The following INTS14 variants were observed in gnomAD, a reference collection of about 807,000 sequenced individuals.
The protein encoded by INTS14 is integrator complex subunit 14, also known as UPF0464 protein C15orf44.
In INTS14, 27 loss-of-function variants were observed where a neutral mutation model predicts 56.9. The observed-to-expected ratio is 0.47, with a 90% CI of 0.35 to 0.65. INTS14 has a LOEUF of 0.65. INTS14 is among the 30% of genes least tolerant of loss of function. INTS14 has a pLI of 0.00. For missense variants in INTS14, 517 were observed against 632.2 expected (o/e 0.82, Z 1.95); for synonymous variants, 207 against 236.2 (o/e 0.88, Z 1.13).
rs1473763524 is a variant in INTS14 at position 65,598,311 on chromosome 15, A to T, written c.748+10T>A. ...GAGAAACTAAGAAATAAGTTTTTTT[A>T]AAAAGTTACCTGTGTTAATGACTTT... On this transcript the variant is annotated intron_variant, in intron 6 of 11. Transcript: ENST00000313182. 6.2e-7 allele frequency: 1 copy of T among 1,606,870 alleles called. No individual in the cohort carries two copies. Among genetic ancestry groups the T allele is most frequent in the Non-Finnish European group, 8.5e-7 (1 of 1,177,558 alleles).
At chr15:65,592,211 T>G (rs1033083974) in intron 8 of INTS14, among the ~76,000 whole-genome samples, 1 of 152,194 alleles carries the variant, frequency 6.6e-6, no homozygotes, top group Non-Finnish European at 1.5e-5. Context: ...CCAGTACAAG[T>G]AGCTTGGGTG....
At chr15:65,585,267 A>G in intron 9 of INTS14, among the ~76,000 whole-genome samples, 1 of 152,146 alleles carries the variant, frequency 6.6e-6, no homozygotes, top group Non-Finnish European at 1.5e-5. Flanking sequence ...AACTTTCTGT[A>G]TGATGGAAAT....
At chr15:65,580,636 G>A (rs572913135) in intron 11 of INTS14, among the ~76,000 whole-genome samples, 1 of 152,330 alleles carries the variant, frequency 6.6e-6, no homozygotes, top group Admixed American at 6.5e-5. Context: ...ATAACACCCA[G>A]ACAAAGTAGC....
At chr15:65,592,071 C>T (rs920801143) in intron 8 of INTS14, among the ~76,000 whole-genome samples, 1 of 152,210 alleles carries the variant, frequency 6.6e-6, no homozygotes, top group Admixed American at 6.5e-5. Flanking sequence ...TGTCACCTGC[C>T]TCACTGAGTC....
intron 9 of INTS14, among the ~76,000 whole-genome samples, chr15:65,588,211 T>A (rs1232369786): frequency 2.6e-5 from 4 of 151,746 alleles, no homozygotes; most frequent in Middle Eastern, 3.4e-3. Flanking sequence ...ATTGCTTGAA[T>A]ACAGGAGGCA....
chr15:65,589,522 T>C (rs562769522), intron 9 of INTS14, among the ~76,000 whole-genome samples: 8 of 152,364 alleles, frequency 5.3e-5, no homozygotes, highest in African/African-American at 1.9e-4. Flanking sequence ...TTTGAAAATA[T>C]ACACTAAATT....
Position 65,605,644 on chromosome 15 carries a change from C to T in INTS14, c.223-408G>A, listed in dbSNP as rs191999678. 5.0e-4 allele frequency among the ~76,000 whole-genome samples: 76 copies of T among 152,200 alleles called. 1 individual carries two copies. In the East Asian group the frequency reaches 0.012, roughly 25 times the overall value. ...AAACTATAAGGTATAGATTATTAAC[C>T]CTATCTTTAAATGAAGTAATTAAGG... On this transcript the variant is annotated intron_variant, in intron 2 of 11. Coordinates refer to ENST00000313182, the MANE Select transcript of INTS14 (RefSeq NM_001394796.1).
chr15:65,580,045 T>C (rs1003038364), intron 11 of INTS14, among the ~76,000 whole-genome samples: 5 of 152,114 alleles, frequency 3.3e-5, no homozygotes, highest in African/African-American at 1.2e-4. Flanking sequence ...CTCTTAACCC[T>C]CTGATGCCAC....
At chr15:65,580,514 G>A (rs746011612) in intron 11 of INTS14, among the ~76,000 whole-genome samples, 52 of 152,152 alleles carry the variant, frequency 3.4e-4, no homozygotes, top group Non-Finnish European at 6.6e-4. Context: ...GTTTAGGGAG[G>A]GGCCTGGCTG....
intron 8 of INTS14, among the ~76,000 whole-genome samples, chr15:65,593,175 A>C (rs2073091668): frequency 6.6e-6 from 1 of 151,082 alleles, no homozygotes; most frequent in Non-Finnish European, 1.5e-5. Context: ...AGATGGGAGG[A>C]TTGCTTGAGC....
Position 65,598,911 on chromosome 15 carries a change from T to C in INTS14, c.566A>G (p.Asp189Gly), listed in dbSNP as rs1178510959. 4.3e-6 allele frequency: 7 copies of C among 1,613,950 alleles called. No homozygotes were observed. Among genetic ancestry groups the C allele is most frequent in the Non-Finnish European group, 5.9e-6 (7 of 1,179,924 alleles). ...NNGEGQIFTI[D>G]GPLCLKNVQS... ...TACATTCTTCAAGCACAGGGGGCCA[T>C]CAATAGTAAAAATCTGCCCTTCACC... The change falls in exon 5 of 12, where the codon GAT becomes GGT. Residue 189 changes from aspartate (D) to glycine (G), a missense_variant. Coordinates refer to ENST00000313182, the MANE Select transcript of INTS14 (RefSeq NM_001394796.1).
rs548123435 is a variant in INTS14 at position 65,583,464 on chromosome 15, G to A, written c.1239+1306C>T. Among the ~76,000 whole-genome samples, 9 of 152,312 alleles carry A rather than the reference G, an allele frequency of 5.9e-5. No homozygotes were observed. The East Asian group carries it at 1.7e-3, about 29-fold the overall frequency. Reference sequence around the variant, plus strand: ...ACAAATTGTATGATTCTGTTTACATGAAATATCTAGAATAGGTAAGTCCAT... The same window carrying A: ...ACAAATTGTATGATTCTGTTTACATAAAATATCTAGAATAGGTAAGTCCAT... On this transcript the variant is annotated intron_variant, in intron 10 of 11. Transcript: ENST00000313182.
intron 1 of INTS14, among the ~76,000 whole-genome samples, chr15:65,608,663 A>T (rs2073744152): frequency 6.6e-6 from 1 of 152,252 alleles, no homozygotes; most frequent in South Asian, 2.1e-4. Flanking sequence ...TATAGAAAGC[A>T]TTAGTAACTG....
intron 9 of INTS14, chr15:65,586,743 G>A (rs1157773719): frequency 1.3e-5 from 2 of 152,028 alleles, no homozygotes; most frequent in African/African-American, 2.4e-5. Flanking sequence ...TTTTAAAAAT[G>A]GGAAAATGGG....
At position 65,605,208 on chromosome 15, in the gene INTS14, T is replaced by A. The variant is rs560909694; in HGVS notation, c.251A>T (p.Asp84Val). Residue 84 changes from aspartate to valine, a missense_variant, in exon 3 of 12, where the codon GAC (aspartate) becomes GTC (valine). Coordinates refer to ENST00000313182, the MANE Select transcript of INTS14 (RefSeq NM_001394796.1). ...QEALSNMDDYDKTCLESALVG... is the reference protein window; with the variant it reads ...QEALSNMDDYVKTCLESALVG... Reference sequence around the variant, plus strand: ...TAATGCAGACTCCAAGCAGGTTTTGTCATAATCATCCATATTACTTAGTGC... The same window carrying A: ...TAATGCAGACTCCAAGCAGGTTTTGACATAATCATCCATATTACTTAGTGC... The A allele has an allele frequency of 6.2e-7, 1 of 1,614,116 alleles. No individual in the cohort carries two copies. Among genetic ancestry groups the A allele is most frequent in the East Asian group, 2.2e-5 (1 of 44,870 alleles).
At chr15:65,608,981 A>T (rs2141337977) in intron 1 of INTS14, among the ~76,000 whole-genome samples, 1 of 152,248 alleles carries the variant, frequency 6.6e-6, no homozygotes, top group South Asian at 2.1e-4. Flanking sequence ...CACTGCAAGC[A>T]CCGCCTCCCG....
chr15:65,598,243 G>A lies in INTS14; in HGVS notation c.748+78C>T, dbSNP rs545926726. 11 of 1,416,758 alleles carry A rather than the reference G, an allele frequency of 7.8e-6. No individual in the cohort carries two copies. The Admixed American group carries it at 1.9e-4, about 25-fold the overall frequency. 87.8% of individuals were successfully genotyped at this position (1,416,758 alleles called of 1,614,324 possible). A position where few individuals can be genotyped will look rare whatever the true frequency, so the allele number is the denominator to read the frequency against. On this transcript the variant is annotated intron_variant, in intron 6 of 11. Transcript: ENST00000313182. ...TTTCTTTTCAACCTTCCTAGACAGA[G>A]AAGAGAGTAAAAGTCACAAGTCAGA...
chr15:65,609,297 G>A (rs559609820), intron 1 of INTS14, among the ~76,000 whole-genome samples: 3 of 152,038 alleles, frequency 2.0e-5, no homozygotes, highest in African/African-American at 7.2e-5. Flanking sequence ...AGAATACACT[G>A]GTTCATGGAA....
Position 65,579,573 on chromosome 15 carries a change from GCATTCCCTTTC to G in INTS14, c.1381_1391del (p.Glu461HisfsTer5), listed in dbSNP as rs758601610. ...GGTGGGCTGTCTCAGGCAGCAGTGT[GCATTCCCTTTC>G]CAGCATGTCAGCCACCCCTTTCAGC... is the stretch of plus-strand genomic sequence containing the variant. On this transcript the variant is annotated frameshift_variant, in exon 12 of 12. Transcript: ENST00000313182. LOFTEE classifies it high-confidence loss of function. 3 of 1,614,190 alleles carry G rather than the reference GCATTCCCTTTC, an allele frequency of 1.9e-6. No individual in the cohort carries two copies. Among genetic ancestry groups the G allele is most frequent in the Non-Finnish European group, 2.5e-6 (3 of 1,180,044 alleles).
Sources: gnomAD v4.1 joint callset for allele counts (sites outside exome capture counted in the v4.1 genomes callset) on GRCh38, gnomAD v4.1.1 for gene constraint, MANE v1.5 for transcripts, NCBI Gene and HGNC (gene_info 2026-07-23, HGNC 2026-07-21) for gene names.